Variants in ANXA10 observed in about 807,000 individuals in gnomAD.
The protein encoded by ANXA10 is annexin 14.
In ANXA10, 49 loss-of-function variants were observed where a neutral mutation model predicts 53.5. The ratio of observed to expected loss-of-function variants is 0.92; its 90% CI spans 0.73 to 1.16. ANXA10 has a LOEUF of 1.16. ANXA10 is among the 50% of genes most tolerant of loss of function. The pLI is 0.00. For missense variants in ANXA10, 393 were observed against 394.4 expected, an observed-to-expected ratio of 1.00 and a Z score of 0.03; for synonymous variants, 131 against 128.9, an observed-to-expected ratio of 1.02 and a Z score of -0.11.
At chr4:168,155,727 A>G (rs1386817650) in intron 3 of ANXA10, among the ~76,000 whole-genome samples, 1 of 63,754 alleles carries the variant, frequency 1.6e-5, no homozygotes, top group East Asian at 5.6e-4. Flanking sequence ...ATATAATATA[A>G]TATATGATAT....
At chr4:168,126,119 T>TA (rs5863921) in intron 1 of ANXA10, among the ~76,000 whole-genome samples, 76,519 of 151,082 alleles carry the variant, frequency 0.51, 19,915 homozygotes, top group Non-Finnish European at 0.58. Flanking sequence ...AAGGCCAGAA[T>TA]AAAAAAAAAT....
chr4:168,165,405 A>T (rs1731859652), intron 6 of ANXA10, 79 bp downstream of exon 6: 2 of 601,082 alleles, frequency 3.3e-6, no homozygotes, highest in South Asian at 3.6e-5. Flanking sequence ...AAAAAAAAAA[A>T]ATAGAACAGA....
In ANXA10 at chr4:168,128,109, C is replaced by A; in HGVS notation, c.44C>A (p.Pro15His). The stretch of plus-strand genomic sequence containing the variant: ...GTGCAAGGAACCATCTTCCCAGCTC[C>A]CAATTTCAATCCCATAATGGATGCC... Reference protein sequence around the residue: ...DYVQGTIFPAPNFNPIMDAQM... With the variant: ...DYVQGTIFPAHNFNPIMDAQM... The change falls in exon 2 of 12, where the codon CCC (proline) becomes CAC (histidine). Residue 15 changes from proline to histidine, a missense_variant. Physicochemically the swap from Pro to His is moderately conservative, Grantham distance 77. Transcript: ENST00000359299. The A allele has an allele frequency of 1.2e-6, 2 of 1,613,350 alleles. No homozygotes were observed. Among genetic ancestry groups the A allele is most frequent in the Non-Finnish European group, 1.7e-6 (2 of 1,179,644 alleles).
rs146418882 is a variant in ANXA10 at position 168,180,071 on chromosome 4, G to A, written c.724+759G>A. Among the ~76,000 whole-genome samples, 602 of 152,104 alleles carry A rather than the reference G, an allele frequency of 4.0e-3. 3 individuals are homozygous for A. The highest frequency in any genetic ancestry group is 0.014 in the African/African-American group (574 of 41,490). On this transcript the variant is annotated intron_variant, in intron 9 of 11. Transcript: ENST00000359299. ...ATATTGTGATTTTCCATCCTTGAAT[G>A]GCAGAGGCATACACGGGCGTGAGAG...
intron 6 of ANXA10, among the ~76,000 whole-genome samples, chr4:168,174,260 C>G (rs897688191): frequency 6.6e-6 from 1 of 152,194 alleles, no homozygotes; most frequent in African/African-American, 2.4e-5. Flanking sequence ...TTTAGTCAGG[C>G]TGTCGATGGT....
intron 3 of ANXA10, among the ~76,000 whole-genome samples, chr4:168,145,130 G>A (rs983128359): frequency 2.0e-5 from 3 of 152,160 alleles, no homozygotes; most frequent in Non-Finnish European, 2.9e-5. Context: ...AAGACCAGAT[G>A]AGCCAGCTTA....
In ANXA10 at chr4:168,133,675, GA is replaced by G. The variant is rs1731190424; in HGVS notation, c.100+5511del. 2.0e-5 allele frequency among the ~76,000 whole-genome samples: 3 copies of G among 152,118 alleles called. No homozygotes were observed. The South Asian group carries it at 6.2e-4, about 31-fold the overall frequency. On this transcript the variant is annotated intron_variant, in intron 2 of 11. Coordinates refer to ENST00000359299, the MANE Select transcript of ANXA10 (RefSeq NM_007193.5). Reference sequence around the variant, plus strand: ...ATTGGCAAACAAACATAATGCAAATGACATTTCAGTTGACAAAAAATATTGT... The same window carrying G: ...ATTGGCAAACAAACATAATGCAAATGCATTTCAGTTGACAAAAAATATTGT...
chr4:168,155,403 AT>A (rs1731592405), intron 3 of ANXA10, among the ~76,000 whole-genome samples: 1 of 93,824 alleles, frequency 1.1e-5, no homozygotes, highest in Admixed American at 1.9e-4. Context: ...TATATTATAT[AT>A]TATATTATAC....
chr4:168,101,686 G>T (rs541596947), intron 1 of ANXA10, among the ~76,000 whole-genome samples: 1 of 152,008 alleles, frequency 6.6e-6, no homozygotes, highest in African/African-American at 2.4e-5. Context: ...TGCTACTGGG[G>T]TATCACTGTT....
chr4:168,182,318 ATTTTT>A (rs542260478), intron 10 of ANXA10, among the ~76,000 whole-genome samples: 284 of 49,716 alleles, frequency 5.7e-3, no homozygotes, highest in African/African-American at 0.028. Context: ...TGGAGCATTA[ATTTTT>A]TTTTTTTTTT....
intron 1 of ANXA10, among the ~76,000 whole-genome samples, chr4:168,098,271 A>G (rs949139433): frequency 6.6e-6 from 1 of 152,126 alleles, no homozygotes; most frequent in Non-Finnish European, 1.5e-5. Flanking sequence ...CTTAAGGTGA[A>G]GTCTTCAGAA....
intron 3 of ANXA10, among the ~76,000 whole-genome samples, chr4:168,154,432 G>A (rs925422587): frequency 3.3e-5 from 5 of 152,072 alleles, no homozygotes; most frequent in African/African-American, 1.2e-4. Flanking sequence ...GGGGAAATAT[G>A]CACATATATT....
chr4:168,103,866 A>G (rs530740204), intron 1 of ANXA10, among the ~76,000 whole-genome samples: 2 of 151,934 alleles, frequency 1.3e-5, no homozygotes, highest in Admixed American at 6.6e-5. Flanking sequence ...TCCAATATGT[A>G]TAATGCTTAT....
Position 168,182,950 on chromosome 4 carries a change from C to G in ANXA10, c.783+1209C>G, listed in dbSNP as rs1732284981. On this transcript the variant is annotated intron_variant, in intron 10 of 11. Coordinates refer to ENST00000359299, the MANE Select transcript of ANXA10 (RefSeq NM_007193.5). ...GCCTGAACCCTGGAGGCGGAGCTTGCGTGAGCCGAGATCGCGCCACTGCAC... is the reference window on the plus strand; with the variant it reads ...GCCTGAACCCTGGAGGCGGAGCTTGGGTGAGCCGAGATCGCGCCACTGCAC... Among the ~76,000 whole-genome samples, 10 of 139,990 alleles carry G rather than the reference C, an allele frequency of 7.1e-5. No individual in the cohort carries two copies. The Admixed American group carries it at 7.9e-4, about 11-fold the overall frequency. 91.8% of individuals were successfully genotyped at this position (139,990 alleles called of 152,430 possible).
At chr4:168,169,887 T>A (rs1216180358) in intron 6 of ANXA10, among the ~76,000 whole-genome samples, 1 of 152,196 alleles carries the variant, frequency 6.6e-6, no homozygotes. Context: ...CATCTAAGAA[T>A]TAGGATCACA....
intron 1 of ANXA10, among the ~76,000 whole-genome samples, chr4:168,102,304 T>C (rs560001628): frequency 1.2e-4 from 18 of 152,232 alleles, no homozygotes; most frequent in African/African-American, 4.1e-4. Flanking sequence ...TTTTGTGGTA[T>C]ACAATTTTAT....
rs564426306 is a variant in ANXA10 at position 168,133,367 on chromosome 4, G to A, written c.100+5202G>A. Reference sequence around the variant, plus strand: ...TGCACGATGCTGTTTGGAAAATGCTGAAGTAACATCTATTCTATGTTATGA... The same window carrying A: ...TGCACGATGCTGTTTGGAAAATGCTAAAGTAACATCTATTCTATGTTATGA... On this transcript the variant is annotated intron_variant, in intron 2 of 11. Transcript: ENST00000359299. Among the ~76,000 whole-genome samples, 4 of 152,170 alleles carry A rather than the reference G, an allele frequency of 2.6e-5. No individual in the cohort carries two copies. The East Asian group carries it at 5.8e-4, about 22-fold the overall frequency.
intron 1 of ANXA10, among the ~76,000 whole-genome samples, chr4:168,098,348 A>T (rs1730585350): frequency 6.6e-6 from 1 of 152,078 alleles, no homozygotes; most frequent in Admixed American, 6.6e-5. Context: ...TTAGGTGGAG[A>T]GGAAAAGCAG....
At chr4:168,150,090 C>G (rs750981642) in intron 3 of ANXA10, among the ~76,000 whole-genome samples, 9 of 152,194 alleles carry the variant, frequency 5.9e-5, no homozygotes, top group Non-Finnish European at 1.3e-4. Flanking sequence ...GGTCAGCTCA[C>G]TTGCTTATCT....
Sources: allele counts gnomAD v4.1 joint callset (sites outside exome capture counted in the v4.1 genomes callset), GRCh38; gene constraint gnomAD v4.1.1; transcripts MANE v1.5; gene names NCBI Gene and HGNC (gene_info 2026-07-23, HGNC 2026-07-21).